Variants in SLC6A16 observed in about 807,000 individuals in gnomAD.
SLC6A16 encodes the protein orphan sodium- and chloride-dependent neurotransmitter transporter NTT5.
Under a neutral mutation model 65.4 loss-of-function variants are expected in SLC6A16, and 54 were observed. The ratio of observed to expected loss-of-function variants is 0.83; its 90% CI spans 0.66 to 1.04. The LOEUF (loss-of-function observed/expected upper bound fraction) is 1.04. Among genes scored for constraint, SLC6A16 ranks in the 50% least tolerant of loss-of-function variants. The pLI is 0.00. For missense variants in SLC6A16, 816 were observed against 914.0 expected (o/e 0.89, Z 1.38); for synonymous variants, 330 against 346.5 (o/e 0.95, Z 0.53).
At chr19:49,340,314 G>A in the SLC6A16 span, 4 of 1,613,064 alleles carry the variant, frequency 2.5e-6, no homozygotes, top group East Asian at 2.2e-5. Context: ...CAACCGGCTC[G>A]CTCGATACCG....
chr19:49,289,912 T>C lies in SLC6A16; in HGVS notation c.*211A>G. The C allele has an allele frequency of 1.7e-6, 1 of 587,702 alleles. No homozygotes were observed. 36.4% of individuals were successfully genotyped at this position (587,702 alleles called of 1,614,324 possible). A position where few individuals can be genotyped will look rare whatever the true frequency, so the allele number is the denominator to read the frequency against. ...CATGTATGTGTGTTGAGGAAGAGGA[T>C]GGGGAAAACAATGATGGTGGTCACC... On this transcript the variant is annotated 3_prime_UTR_variant, in exon 12 of 12. Coordinates refer to ENST00000335875, the MANE Select transcript of SLC6A16 (RefSeq NM_014037.3).
rs200974726 is a variant in SLC6A16 at position 49,302,804 on chromosome 19, CCAAA to C, written c.1229+6068_1229+6071del. On this transcript the variant is annotated intron_variant, in intron 7 of 11. Coordinates refer to ENST00000335875, the MANE Select transcript of SLC6A16 (RefSeq NM_014037.3). Reference sequence around the variant, plus strand: ...AAGGCACTGAAAATATGAAAAAGAACCAAACAAACATTTTTGAGCTGAAGAATAA... The same window carrying C: ...AAGGCACTGAAAATATGAAAAAGAACCAAACATTTTTGAGCTGAAGAATAA... 4.2e-3 allele frequency among the ~76,000 whole-genome samples: 634 copies of C among 152,148 alleles called. 3 individuals carry two copies. Among genetic ancestry groups the C allele is most frequent in the Admixed American group, 0.018 (269 of 15,282 alleles).
intron 7 of SLC6A16, among the ~76,000 whole-genome samples, chr19:49,304,350 G>A (rs190005909): frequency 6.6e-6 from 1 of 152,336 alleles, no homozygotes; most frequent in Admixed American, 6.5e-5. Flanking sequence ...TATTCCTGCA[G>A]AAACATCTGC....
the SLC6A16 span, among the ~76,000 whole-genome samples, chr19:49,333,777 T>C: frequency 6.6e-6 from 1 of 152,118 alleles, no homozygotes; most frequent in Non-Finnish European, 1.5e-5. Context: ...AGATGGAGCT[T>C]TGACCTCATG....
chr19:49,304,247 G>A (rs549766449), intron 7 of SLC6A16, among the ~76,000 whole-genome samples: 1 of 152,312 alleles, frequency 6.6e-6, no homozygotes, highest in South Asian at 2.1e-4. Context: ...AGGCCATAAA[G>A]AGAGGGTTCT....
chr19:49,320,671 A>G (rs1278310683), intron 1 of SLC6A16, among the ~76,000 whole-genome samples: 4 of 152,184 alleles, frequency 2.6e-5, no homozygotes, highest in African/African-American at 9.6e-5. Flanking sequence ...CAGAAATGAA[A>G]ATGGGGACAT....
intron 2 of SLC6A16, 101 bp from the exon 3 acceptor site, chr19:49,310,611 C>T: frequency 7.9e-7 from 1 of 1,260,928 alleles, no homozygotes; most frequent in Non-Finnish European, 1.1e-6. Flanking sequence ...CGACCTCTTC[C>T]AGGGCCACAG....
At chr19:49,323,242 CACTT>C (rs1202354295) in intron 1 of SLC6A16, among the ~76,000 whole-genome samples, 31 of 152,070 alleles carry the variant, frequency 2.0e-4, no homozygotes, top group Non-Finnish European at 1.5e-5. Flanking sequence ...CTAAATGTAA[CACTT>C]AAAATTATAA....
the SLC6A16 span, chr19:49,338,903 C>T: frequency 6.2e-7 from 1 of 1,614,032 alleles, no homozygotes; most frequent in African/African-American, 1.3e-5. The surrounding 1 kb of genome is among the most constrained non-coding windows in gnomAD (Gnocchi z 5.0). Flanking sequence ...CAGACATCTG[C>T]GCTGTCCCTG....
chr19:49,309,223 T>C, intron 6 of SLC6A16, 78 bp downstream of exon 6: 7 of 1,577,548 alleles, frequency 4.4e-6, no homozygotes, highest in Non-Finnish European at 6.1e-6. Flanking sequence ...AAGTAAAGAA[T>C]GGGGAAAGGA....
intron 1 of SLC6A16, 119 bp from the exon 2 acceptor site, chr19:49,311,530 C>CA (rs1368398676): frequency 3.7e-6 from 2 of 538,148 alleles, no homozygotes; most frequent in Non-Finnish European, 6.2e-6. Context: ...ATTTAAAGCA[C>CA]AAAAAAATCT....
At position 49,293,531 on chromosome 19, in the gene SLC6A16, T is replaced by C. The variant is rs550632890; in HGVS notation, c.1619-149A>G. 6.8e-6 allele frequency: 5 copies of C among 734,310 alleles called. No individual in the cohort carries two copies. In the South Asian group the frequency reaches 9.3e-5, roughly 14 times the overall value. 45.5% of individuals were successfully genotyped at this position (734,310 alleles called of 1,614,324 possible). A position where few individuals can be genotyped will look rare whatever the true frequency, so the allele number is the denominator to read the frequency against. On this transcript the variant is annotated intron_variant, in intron 9 of 11. Transcript: ENST00000335875. ...TGTAATCCAAGCATTTTGGGGAGCC[T>C]AAGTGGGCAGATTCCTTAAGCCCAG...
At chr19:49,339,751 G>C in the SLC6A16 span, 1 of 1,386,180 alleles carries the variant, frequency 7.2e-7, no homozygotes. The surrounding 1 kb of genome is among the most constrained non-coding windows in gnomAD (Gnocchi z 4.5). Context: ...TTCGAGCCCC[G>C]GGCCCAGCCT....
chr19:49,332,622 C>A, the SLC6A16 span, among the ~76,000 whole-genome samples: 2 of 152,160 alleles, frequency 1.3e-5, no homozygotes, highest in Non-Finnish European at 2.9e-5. Context: ...AATGCAGTAT[C>A]TTGAGATCCT....
chr19:49,309,931 T>A, intron 4 of SLC6A16, 105 bp from the exon 5 acceptor site: 1 of 1,506,522 alleles, frequency 6.6e-7, no homozygotes, highest in Non-Finnish European at 9.1e-7. Flanking sequence ...CATTTCTTTT[T>A]CCTTCTTCTT....
At chr19:49,302,953 A>G (rs1314864440) in intron 7 of SLC6A16, among the ~76,000 whole-genome samples, 3 of 152,212 alleles carry the variant, frequency 2.0e-5, no homozygotes, top group Admixed American at 2.0e-4. Context: ...AGAAAAAGAA[A>G]TGAAGATAAC....
intron 2 of SLC6A16, 81 bp downstream of exon 2, chr19:49,310,852 A>C: frequency 3.6e-6 from 4 of 1,112,276 alleles, no homozygotes; most frequent in Non-Finnish European, 5.3e-6. Flanking sequence ...CATATCTCAG[A>C]AACATTCATG....
At chr19:49,329,574 G>C (rs1039389412), upstream of SLC6A16, among the ~76,000 whole-genome samples, 2 of 151,434 alleles carry the variant, frequency 1.3e-5, no homozygotes, top group African/African-American at 4.9e-5. Flanking sequence ...CTTGAGGCTA[G>C]GAGTTTGATA....
chr19:49,290,308 C>G lies in SLC6A16; in HGVS notation c.2026G>C (p.Ala676Pro). 6.2e-7 allele frequency: 1 copy of G among 1,613,952 alleles called. No individual in the cohort carries two copies. The highest frequency in any genetic ancestry group is 1.1e-5 in the South Asian group (1 of 91,070). Residue 676 changes from alanine to proline, a missense_variant, in exon 12 of 12, where the codon GCA becomes CCA. Transcript: ENST00000335875. ...LFAIVILPIPAYFVYCRIHRI... is the reference protein window; with the variant it reads ...LFAIVILPIPPYFVYCRIHRI... ...TGTATGCGGCAGTATACAAAGTATG[C>G]AGGGATGGGGAGGATGACAATGGCA...
Sources: allele counts gnomAD v4.1 joint callset (sites outside exome capture counted in the v4.1 genomes callset), GRCh38; gene constraint gnomAD v4.1.1; non-coding constraint Gnocchi (gnomAD v3.1); transcripts MANE v1.5; gene names NCBI Gene and HGNC (gene_info 2026-07-23, HGNC 2026-07-21).